SIAH3: variants seen among roughly 807,000 people sequenced by gnomAD.
SIAH3 encodes siah E3 ubiquitin protein ligase family member 3, also known as seven in absentia homolog 3.
SIAH3 carries 9 observed loss-of-function variants against 12.6 expected under a neutral mutation model. The observed-to-expected ratio is 0.72, with a 90% confidence interval of 0.43 to 1.25. The LOEUF is 1.25. Ranked by LOEUF, SIAH3 falls within the 50% of genes most tolerant of loss-of-function variation. The pLI is 0.00. For synonymous variants in SIAH3, 154 were observed against 151.1 expected, an observed-to-expected ratio of 1.02 and a Z score of -0.14; for missense variants, 390 against 365.4, an observed-to-expected ratio of 1.07 and a Z score of -0.55.
chr13:45,851,523 C>A lies in SIAH3; in HGVS notation c.107G>T (p.Cys36Phe), dbSNP rs777543400. The A allele has an allele frequency of 1.8e-5, 29 of 1,614,038 alleles. No homozygotes were observed. In the African/African-American group the frequency reaches 2.9e-4, roughly 16 times the overall value. The change falls in exon 1 of 2, where the codon TGT becomes TTT. Residue 36 changes from cysteine (C) to phenylalanine (F), a missense_variant. Cys to Phe is a radical substitution (Grantham distance 205). Transcript: ENST00000400405. ...TAGGTTGTGTGTGGGGTTGACGACACAGACAAGTTGCCCGGCAGCGGAGAA... is the reference window on the plus strand; with the variant it reads ...TAGGTTGTGTGTGGGGTTGACGACAAAGACAAGTTGCCCGGCAGCGGAGAA... ...RVFSAAGQLV[C>F]VVNPTHNLKY...
chr13:45,825,600 G>A (rs1209864966), intron 1 of SIAH3, among the ~76,000 whole-genome samples: 1 of 152,188 alleles, frequency 6.6e-6, no homozygotes, highest in Non-Finnish European at 1.5e-5. Flanking sequence ...TCACTTTTCT[G>A]CAGAAGGTAA....
intron 1 of SIAH3, among the ~76,000 whole-genome samples, chr13:45,848,952 A>G (rs1211000117): frequency 6.6e-6 from 1 of 152,246 alleles, no homozygotes; most frequent in East Asian, 1.9e-4. Flanking sequence ...CGTCCAAGGC[A>G]TATTTCCGTG....
intron 1 of SIAH3, among the ~76,000 whole-genome samples, chr13:45,833,493 G>A (rs199878280): frequency 1.1e-4 from 16 of 150,508 alleles, no homozygotes; most frequent in East Asian, 2.0e-4. Context: ...ACACACACAC[G>A]CACACACACA....
chr13:45,822,433 G>C (rs944596458), intron 1 of SIAH3, among the ~76,000 whole-genome samples: 3 of 149,992 alleles, frequency 2.0e-5, no homozygotes, highest in African/African-American at 7.4e-5. Flanking sequence ...ATTTGGATTT[G>C]AGTCTTTCTG....
chr13:45,838,416 T>A (rs1950726699), intron 1 of SIAH3, among the ~76,000 whole-genome samples: 1 of 152,210 alleles, frequency 6.6e-6, no homozygotes, highest in Admixed American at 6.5e-5. Context: ...CATAAACAGA[T>A]GTAGCACTTT....
At chr13:45,828,529 A>C (rs944392533) in intron 1 of SIAH3, among the ~76,000 whole-genome samples, 1 of 152,232 alleles carries the variant, frequency 6.6e-6, no homozygotes, top group Admixed American at 6.5e-5. Flanking sequence ...GGAAGGCATA[A>C]TTCACTATTT....
At chr13:45,833,857 G>C (rs1442323349) in intron 1 of SIAH3, among the ~76,000 whole-genome samples, 2 of 152,150 alleles carry the variant, frequency 1.3e-5, no homozygotes, top group Non-Finnish European at 2.9e-5. Flanking sequence ...ACAACCTGCT[G>C]AGGGCCTCCA....
At chr13:45,785,512 G>A (rs988950555) in intron 1 of SIAH3, among the ~76,000 whole-genome samples, 7 of 152,172 alleles carry the variant, frequency 4.6e-5, no homozygotes, top group African/African-American at 1.7e-4. Flanking sequence ...CCTTTCTTTA[G>A]GGCATTCAGG....
chr13:45,789,596 G>A (rs944024492), intron 1 of SIAH3, among the ~76,000 whole-genome samples: 8 of 152,062 alleles, frequency 5.3e-5, no homozygotes, highest in East Asian at 1.9e-4. Flanking sequence ...TAGTAGGGAC[G>A]GGGTTTCACC....
At chr13:45,829,016 A>G (rs1012529944) in intron 1 of SIAH3, among the ~76,000 whole-genome samples, 1 of 152,228 alleles carries the variant, frequency 6.6e-6, no homozygotes, top group African/African-American at 2.4e-5. Context: ...AATAAGCAAT[A>G]GCTTACATAA....
intron 1 of SIAH3, among the ~76,000 whole-genome samples, chr13:45,811,639 T>C (rs989854724): frequency 2.8e-4 from 42 of 152,200 alleles, no homozygotes; most frequent in African/African-American, 9.9e-4. Flanking sequence ...ATTTTTGTAT[T>C]TGGCAAAGCA....
intron 1 of SIAH3, among the ~76,000 whole-genome samples, chr13:45,821,496 T>A (rs1351589311): frequency 2.0e-5 from 3 of 152,218 alleles, no homozygotes; most frequent in Admixed American, 6.5e-5. Flanking sequence ...AGCCATTGGT[T>A]CTTAAAGGCC....
intron 1 of SIAH3, among the ~76,000 whole-genome samples, chr13:45,823,150 C>T (rs1285577617): frequency 2.0e-5 from 3 of 152,180 alleles, no homozygotes; most frequent in East Asian, 3.9e-4. Flanking sequence ...AATTACAACT[C>T]GTATTCTCAT....
chr13:45,846,888 G>A (rs1184567954), intron 1 of SIAH3, among the ~76,000 whole-genome samples: 3 of 152,182 alleles, frequency 2.0e-5, no homozygotes, highest in African/African-American at 7.2e-5. Flanking sequence ...TGTGACTCAG[G>A]AGCCTCATTT....
intron 1 of SIAH3, among the ~76,000 whole-genome samples, chr13:45,802,770 G>A (rs1306475229): frequency 2.6e-5 from 4 of 152,136 alleles, no homozygotes; most frequent in Non-Finnish European, 5.9e-5. Context: ...GAGCAAGGAG[G>A]CTGGATCAAG....
At chr13:45,794,559 G>T (rs558760074) in intron 1 of SIAH3, among the ~76,000 whole-genome samples, 2 of 152,160 alleles carry the variant, frequency 1.3e-5, no homozygotes, top group East Asian at 3.9e-4. Context: ...CATGGGGACG[G>T]GTTTTTCCTG....
intron 1 of SIAH3, among the ~76,000 whole-genome samples, chr13:45,784,396 C>CTTTTTTTTTTTTTTTTTTTTTTTTT (rs1555256292): frequency 3.9e-5 from 4 of 102,014 alleles, no homozygotes; most frequent in Non-Finnish European, 2.0e-5. Context: ...ACAAAGACAG[C>CTTTTTTTTTTTTTTTTTTTTTTTTT]TGTTTTTTTT....
At chr13:45,800,514 T>C (rs1950578055) in intron 1 of SIAH3, among the ~76,000 whole-genome samples, 3 of 152,206 alleles carry the variant, frequency 2.0e-5, no homozygotes, top group Admixed American at 2.0e-4. Flanking sequence ...CTGTGTCGAT[T>C]TCTTTTGGGC....
intron 1 of SIAH3, among the ~76,000 whole-genome samples, chr13:45,792,334 C>A (rs1410288911): frequency 6.6e-6 from 1 of 151,376 alleles, no homozygotes; most frequent in Non-Finnish European, 1.5e-5. Context: ...GGAGCTGCCA[C>A]CATGTGACTC....
Sources: allele counts gnomAD v4.1 joint callset (sites outside exome capture counted in the v4.1 genomes callset), GRCh38; gene constraint gnomAD v4.1.1; transcripts MANE v1.5; gene names NCBI Gene and HGNC (gene_info 2026-07-23, HGNC 2026-07-21).